The following MAPK8IP3 variants were observed in gnomAD, a reference collection of about 807,000 sequenced individuals.
MAPK8IP3 encodes mitogen-activated protein kinase 8 interacting protein 3, also known as C-Jun-amino-terminal kinase-interacting protein 3.
MAPK8IP3 carries 49 observed loss-of-function variants against 157.8 expected under a neutral mutation model. The ratio of observed to expected loss-of-function variants is 0.31; its 90% CI spans 0.25 to 0.39. The LOEUF (loss-of-function observed/expected upper bound fraction) is 0.39, where lower values mean the gene tolerates loss of function less well. Among genes scored for constraint, MAPK8IP3 ranks in the 10% least tolerant of loss-of-function variants. MAPK8IP3 has a pLI of 1.00. For missense variants in MAPK8IP3, 1,478 were observed against 1,889.4 expected (o/e 0.78, Z 4.04); for synonymous variants, 897 against 777.7 (o/e 1.15, Z -2.55).
chr16:1,721,226 G>A (rs1006422756), intron 1 of MAPK8IP3, among the ~76,000 whole-genome samples: 4 of 151,652 alleles, frequency 2.6e-5, no homozygotes, highest in Admixed American at 6.6e-5. Context: ...CCAACTACTC[G>A]GGAGGCTGAG....
chr16:1,736,615 C>T (rs1223164042), intron 4 of MAPK8IP3, among the ~76,000 whole-genome samples: 11 of 52,074 alleles, frequency 2.1e-4, no homozygotes, highest in Non-Finnish European at 3.6e-4. Context: ...TCCGTGTGAC[C>T]GTCCGTGTGA....
Position 1,737,971 on chromosome 16 carries a change from C to T in MAPK8IP3, c.603-5361C>T, listed in dbSNP as rs540205850. On this transcript the variant is annotated intron_variant, in intron 4 of 31. Coordinates refer to ENST00000610761, the MANE Select transcript of MAPK8IP3 (RefSeq NM_001318852.2). ...CTGTCCGTGTGAGCGTCCGTGTGAG[C>T]GTGTGACCGTCCGTGTGACCATCCA... Among the ~76,000 whole-genome samples, 9 of 49,562 alleles carry T rather than the reference C, an allele frequency of 1.8e-4. 1 individual carries two copies. The highest frequency in any genetic ancestry group is 9.5e-4 in the Admixed American group (3 of 3,144). The allele number at this position is 49,562 out of a possible 152,430, so 32.5% of individuals were successfully genotyped here.
At chr16:1,760,092 A>G (rs374494272) in intron 11 of MAPK8IP3, 77 bp downstream of exon 11, 85 of 1,543,730 alleles carry the variant, frequency 5.5e-5, no homozygotes, top group East Asian at 2.0e-4. Context: ...GCCGGGCCAG[A>G]GGGCGCCTTG....
intron 4 of MAPK8IP3, among the ~76,000 whole-genome samples, chr16:1,740,244 G>C (rs1232453503): frequency 1.4e-5 from 2 of 144,724 alleles, no homozygotes; most frequent in African/African-American, 5.2e-5. Context: ...GAGCATCTGT[G>C]TGACCGTTCG....
At chr16:1,744,547 C>T (rs867336811) in intron 5 of MAPK8IP3, 49 of 985,616 alleles carry the variant, frequency 5.0e-5, no homozygotes, top group Middle Eastern at 5.2e-4. Flanking sequence ...GCGGGCTCCC[C>T]GGGCCTTCTG....
Position 1,729,175 on chromosome 16 carries a change from G to A in MAPK8IP3, c.477G>A (p.Lys159=). 6.2e-7 allele frequency: 1 copy of A among 1,614,070 alleles called. No individual in the cohort carries two copies. The highest frequency in any genetic ancestry group is 8.5e-7 in the Non-Finnish European group (1 of 1,180,018). ...AGGAGCGGGAGTCGGAGATGAAGAA[G>A]GAGTACAATGCCCTGCACCAGCGGC... ...RLEERESEMK[K]EYNALHQRHT... is the part of the protein sequence containing the mutation. Residue 159 remains lysine, a synonymous_variant, in exon 3 of 32, where the codon AAG becomes AAA. Transcript: ENST00000610761.
chr16:1,765,238 GT>G, intron 20 of MAPK8IP3, 60 bp downstream of exon 20: 1 of 1,523,820 alleles, frequency 6.6e-7, no homozygotes. Flanking sequence ...AGCAAGCTAA[GT>G]AAAAGCCCTG....
chr16:1,738,720 T>TTA (rs1555449691), intron 4 of MAPK8IP3, among the ~76,000 whole-genome samples: 3 of 106,408 alleles, frequency 2.8e-5, no homozygotes, highest in African/African-American at 1.1e-4. Flanking sequence ...AGCATCCGTG[T>TTA]GAGTGTGACC....
rs1304551991 is a variant in MAPK8IP3 at position 1,765,982 on chromosome 16, T to C, written c.2469T>C (p.Pro823=). Residue 823 remains proline (P), a synonymous_variant, in exon 21 of 32, where the codon CCT becomes CCC. Transcript: ENST00000610761. ...SIPAASDSDY[P]PGEMFLDSDV... is the part of the protein sequence containing the mutation. ...CAGCGGCCAGCGACAGCGACTACCCTCCCGGGGAGATGTTCCTGGACAGCG... is the reference window on the plus strand; with the variant it reads ...CAGCGGCCAGCGACAGCGACTACCCCCCCGGGGAGATGTTCCTGGACAGCG... The C allele has an allele frequency of 1.2e-6, 2 of 1,612,234 alleles. No homozygotes were observed. Among genetic ancestry groups the C allele is most frequent in the African/African-American group, 2.7e-5 (2 of 74,850 alleles).
rs375295308 is a variant in MAPK8IP3 at position 1,761,811 on chromosome 16, C to T, written c.1539+506C>T. 1.4e-4 allele frequency among the ~76,000 whole-genome samples: 21 copies of T among 152,320 alleles called. 1 individual carries two copies. The highest frequency in any genetic ancestry group is 4.3e-4 in the African/African-American group (18 of 41,568). The stretch of plus-strand genomic sequence containing the variant: ...CATTCCCACACATTCACACGCTGGG[C>T]GGCCACCATTCACCATTCACCATTC... On this transcript the variant is annotated intron_variant, in intron 13 of 31. Transcript: ENST00000610761.
At chr16:1,760,091 G>C in intron 11 of MAPK8IP3, 76 bp downstream of exon 11, 1 of 1,548,830 alleles carries the variant, frequency 6.5e-7, no homozygotes, top group Non-Finnish European at 8.9e-7. Flanking sequence ...AGCCGGGCCA[G>C]AGGGCGCCTT....
chr16:1,736,477 CGT>C (rs1480625733), intron 4 of MAPK8IP3, among the ~76,000 whole-genome samples: 1 of 31,596 alleles, frequency 3.2e-5, no homozygotes, highest in Non-Finnish European at 5.0e-5. Context: ...TGTGAGCATC[CGT>C]GTGACCGTGA....
At position 1,729,290 on chromosome 16, in the gene MAPK8IP3, T is replaced by C. The variant is rs1472455202; in HGVS notation, c.510+82T>C. On this transcript the variant is annotated intron_variant, in intron 3 of 31. Coordinates refer to ENST00000610761, the MANE Select transcript of MAPK8IP3 (RefSeq NM_001318852.2). ...CGCCTGCGACTCTTGCGGACCGTGG[T>C]TTTCTTCCCTGGCATGTCCCTTTTC... is the stretch of plus-strand genomic sequence containing the variant. The C allele has an allele frequency of 2.7e-6, 4 of 1,494,996 alleles. No homozygotes were observed. In the Admixed American group the frequency reaches 6.8e-5, roughly 25 times the overall value. 92.6% of individuals were successfully genotyped at this position (1,494,996 alleles called of 1,614,324 possible).
At chr16:1,707,039 G>A (rs760888804) in intron 1 of MAPK8IP3, among the ~76,000 whole-genome samples, 18 of 151,250 alleles carry the variant, frequency 1.2e-4, no homozygotes, top group Non-Finnish European at 2.4e-4. Flanking sequence ...TTCAAAGCCA[G>A]GCCTCACTCT....
intron 5 of MAPK8IP3, 127 bp from the exon 6 acceptor site, chr16:1,746,902 G>A: frequency 8.4e-7 from 1 of 1,196,510 alleles, no homozygotes; most frequent in Non-Finnish European, 1.1e-6. Context: ...AGGAGCTCTG[G>A]CCCGCAGGGT....
rs747063994 is a variant in MAPK8IP3, at chr16:1,765,150, G to T, written c.2418G>T (p.Ala806=). ...TGGACCAGTTCACCGTCTGCAACGC[G>T]CACGTGCTGTGCATCTCCAGCATCC... ...TVVDQFTVCN[A]HVLCISSIPA... Residue 806 remains alanine, a synonymous_variant, in exon 20 of 32, where the codon GCG becomes GCT. Transcript: ENST00000610761. 1.2e-6 allele frequency: 2 copies of T among 1,606,470 alleles called. No homozygotes were observed. Among genetic ancestry groups the T allele is most frequent in the East Asian group, 4.5e-5 (2 of 44,632 alleles).
chr16:1,763,526 C>T, intron 16 of MAPK8IP3, 131 bp from the exon 17 acceptor site: 1 of 1,286,600 alleles, frequency 7.8e-7, no homozygotes, highest in East Asian at 2.9e-5. Context: ...AGCTGGGCAC[C>T]CGGTGGCCGG....
At chr16:1,735,046 A>C (rs2039576976) in intron 4 of MAPK8IP3, 1 of 153,538 alleles carries the variant, frequency 6.5e-6, no homozygotes, top group Admixed American at 6.5e-5. Flanking sequence ...AGTGCACGGC[A>C]CTGGGGACAC....
intron 1 of MAPK8IP3, among the ~76,000 whole-genome samples, chr16:1,721,692 C>T (rs1199101256): frequency 6.6e-6 from 1 of 152,224 alleles, no homozygotes; most frequent in South Asian, 2.1e-4. Flanking sequence ...CCACTCGCCT[C>T]GGCCTCCCAA....
Sources: allele counts gnomAD v4.1 joint callset (sites outside exome capture counted in the v4.1 genomes callset), GRCh38; gene constraint gnomAD v4.1.1; transcripts MANE v1.5; gene names NCBI Gene and HGNC (gene_info 2026-07-23, HGNC 2026-07-21).